Variants in MYH3 observed in about 807,000 individuals in gnomAD.
The protein encoded by MYH3 is myosin-3.
A neutral mutation model predicts 238.0 loss-of-function variants in MYH3; 130 were observed. The observed-to-expected ratio is 0.55, with a 90% CI of 0.47 to 0.63. The LOEUF (loss-of-function observed/expected upper bound fraction) is 0.63. MYH3 is among the 30% of genes least tolerant of loss of function. MYH3 has a pLI of 0.00. For synonymous variants in MYH3, 880 were observed against 924.1 expected (o/e 0.95, Z 0.86); for missense variants, 1,853 against 2,374.9 (o/e 0.78, Z 4.57).
Position 10,640,427 on chromosome 17 carries a change from G to A in MYH3, c.2332C>T (p.Arg778Trp), listed in dbSNP as rs775803901. The A allele has an allele frequency of 5.6e-6, 9 of 1,614,086 alleles. No homozygotes were observed. In the African/African-American group the frequency reaches 8.0e-5, roughly 14 times the overall value. ...AGLLGTLEEM[R>W]DDRLAKLITR... ...ATTAGTTTGGCCAGGCGGTCATCCC[G>A]CATCTCTTCCAGGGTTCCCAGCAAG... Residue 778 changes from arginine (R) to tryptophan (W), a missense_variant, in exon 21 of 41, where the codon CGG becomes TGG. Transcript: ENST00000583535.
In MYH3 at chr17:10,633,600, C is replaced by T; in HGVS notation, c.4638G>A (p.Glu1546=). Reference sequence around the variant, plus strand: ...GCCTCCCAGCACTCACCTCTGCTTCCTCGAGAGCCAGCTGGATATCAGCCT... The same window carrying T: ...GCCTCCCAGCACTCACCTCTGCTTCTTCGAGAGCCAGCTGGATATCAGCCT... ...LEKADIQLAL[E]EAEAALEHEE... is the part of the protein sequence containing the mutation. The change falls in exon 33 of 41, where the codon GAG becomes GAA. Residue 1546 remains glutamate, a synonymous_variant. Coordinates refer to ENST00000583535, the MANE Select transcript of MYH3 (RefSeq NM_002470.4). The T allele has an allele frequency of 6.2e-7, 1 of 1,613,310 alleles. No individual in the cohort carries two copies. Among genetic ancestry groups the T allele is most frequent in the Non-Finnish European group, 8.5e-7 (1 of 1,179,900 alleles).
chr17:10,663,795 G>T, the MYH3 span, among the ~76,000 whole-genome samples: 3 of 152,056 alleles, frequency 2.0e-5, no homozygotes, highest in African/African-American at 7.2e-5. Context: ...AGATGCGGTG[G>T]CTCACACCTG....
chr17:10,655,473 G>GA (rs1423973798), intron 2 of MYH3, among the ~76,000 whole-genome samples: 1 of 152,230 alleles, frequency 6.6e-6, no homozygotes, highest in Non-Finnish European at 1.5e-5. Context: ...CATCTTCAAA[G>GA]AGAGTGTGCT....
upstream of MYH3, among the ~76,000 whole-genome samples, chr17:10,658,018 A>T (rs2142438051): frequency 6.6e-6 from 1 of 152,276 alleles, no homozygotes; most frequent in South Asian, 2.1e-4. Context: ...CTATGCTGCC[A>T]GCTCGTATTC....
intron 4 of MYH3, chr17:10,652,115 G>T: frequency 2.2e-6 from 1 of 452,634 alleles, no homozygotes; most frequent in Non-Finnish European, 4.1e-6. Flanking sequence ...TTTATAGTGA[G>T]GCACTGAGAC....
the MYH3 span, among the ~76,000 whole-genome samples, chr17:10,671,770 A>G: frequency 1.3e-5 from 2 of 151,636 alleles, no homozygotes; most frequent in Admixed American, 1.3e-4. Context: ...TAGTAGAGAC[A>G]GGGTTTCACT....
chr17:10,629,637 T>C lies in MYH3; in HGVS notation c.5756A>G (p.Asn1919Ser). 1.2e-6 allele frequency: 2 copies of C among 1,614,106 alleles called. No homozygotes were observed. The highest frequency in any genetic ancestry group is 1.7e-6 in the Non-Finnish European group (2 of 1,180,050). The part of the protein sequence containing the change: ...ERADIAESQV[N>S]KLRAKTRDFT... Reference sequence around the variant, plus strand: ...GTCTCGAGTCTTAGCGCGGAGCTTGTTGACTTGAGATTCTGCGATATCCGC... The same window carrying C: ...GTCTCGAGTCTTAGCGCGGAGCTTGCTGACTTGAGATTCTGCGATATCCGC... The change falls in exon 40 of 41, where the codon AAC becomes AGC. Residue 1919 changes from asparagine to serine, a missense_variant. Around this residue, in one of 3 missense-constraint regions of MYH3, gnomAD observed 1,044 missense variants for 1,192.6 expected, o/e 0.88. Coordinates refer to ENST00000583535, the MANE Select transcript of MYH3 (RefSeq NM_002470.4).
chr17:10,633,978 A>G (rs761781341), intron 32 of MYH3, 39 bp downstream of exon 32: 3 of 1,609,540 alleles, frequency 1.9e-6, no homozygotes, highest in Admixed American at 1.7e-5. Flanking sequence ...GCAATAGAGC[A>G]TGAAAGGAGG....
intron 31 of MYH3, 58 bp from the exon 32 acceptor site, chr17:10,634,240 A>C (rs1283111705): frequency 2.5e-6 from 4 of 1,590,084 alleles, no homozygotes; most frequent in Non-Finnish European, 3.5e-6. Flanking sequence ...GTTTCTAACA[A>C]AATACTAAAT....
the MYH3 span, among the ~76,000 whole-genome samples, chr17:10,664,250 T>C: frequency 4.1e-4 from 62 of 152,200 alleles, no homozygotes; most frequent in African/African-American, 1.3e-3. Flanking sequence ...ATTGTGAGCA[T>C]TGGTTCATCT....
At chr17:10,675,997 A>G in the MYH3 span, 1 of 152,222 alleles carries the variant, frequency 6.6e-6, no homozygotes, top group African/African-American at 2.4e-5. Flanking sequence ...GTTTACACTG[A>G]CTGGATATTT....
Position 10,647,264 on chromosome 17 carries a change from T to C in MYH3, c.816A>G (p.Ser272=), listed in dbSNP as rs1463332046. 6.2e-7 allele frequency: 1 copy of C among 1,614,168 alleles called. No individual in the cohort carries two copies. Residue 272 remains serine (S), a synonymous_variant, in exon 10 of 41, where the codon TCA becomes TCG. Coordinates refer to ENST00000583535, the MANE Select transcript of MYH3 (RefSeq NM_002470.4). ...ADIETYLLEK[S]RVTFQLKAER... ...CAGCCTTCAGCTGGAAAGTGACTCTTGATTTTTCCAGAAGATCTGGAACAC... is the reference window on the plus strand; with the variant it reads ...CAGCCTTCAGCTGGAAAGTGACTCTCGATTTTTCCAGAAGATCTGGAACAC...
rs149260479 is a variant in MYH3 at position 10,631,921 on chromosome 17, G to A, written c.5052C>T (p.Ala1684=). The A allele has an allele frequency of 4.6e-5, 74 of 1,613,930 alleles. No individual in the cohort carries two copies. The African/African-American group carries it at 6.3e-4, about 14-fold the overall frequency. ...IVERRANLLQ[A]EVEELRATLE... is the part of the protein sequence containing the mutation. ...GAGTAGCCCGCAGCTCCTCCACCTCGGCCTGCAGCAGGTTGGCTCTGCGCT... is the reference window on the plus strand; with the variant it reads ...GAGTAGCCCGCAGCTCCTCCACCTCAGCCTGCAGCAGGTTGGCTCTGCGCT... Residue 1684 remains alanine (A), a synonymous_variant, in exon 35 of 41, where the codon GCC becomes GCT. Coordinates refer to ENST00000583535, the MANE Select transcript of MYH3 (RefSeq NM_002470.4).
Position 10,654,175 on chromosome 17 carries a change from TTGC to T in MYH3, c.204+683_204+685del, listed in dbSNP as rs1209918395. On this transcript the variant is annotated intron_variant, in intron 3 of 40. Transcript: ENST00000583535. The surrounding 1 kb of genome is among the most constrained non-coding windows in gnomAD (Gnocchi z 4.5). The stretch of plus-strand genomic sequence containing the variant: ...TCTCTTTCTTTCTTTCCTTCCTTCC[TTGC>T]TTTCTTTCTTCCTTCTTTCTTTCCT... 1.4e-4 allele frequency among the ~76,000 whole-genome samples: 22 copies of T among 151,990 alleles called. No homozygotes were observed. The highest frequency in any genetic ancestry group is 3.4e-3 in the Middle Eastern group (1 of 294).
chr17:10,665,223 A>T, the MYH3 span, among the ~76,000 whole-genome samples: 1 of 152,028 alleles, frequency 6.6e-6, no homozygotes, highest in Non-Finnish European at 1.5e-5. Flanking sequence ...GCTCACTGGA[A>T]CCTCCGCCTC....
At chr17:10,651,434 C>A in intron 5 of MYH3, 78 bp downstream of exon 5, 1 of 1,609,108 alleles carries the variant, frequency 6.2e-7, no homozygotes, top group Non-Finnish European at 8.5e-7. Flanking sequence ...GGGGTCCAGC[C>A]TGGGAGTAAG....
Position 10,639,540 on chromosome 17 carries a change from C to G in MYH3, c.2925+20G>C. Reference sequence around the variant, plus strand: ...TTTGCAATGACTATATCAAGCTAGACACACCTACAATAAGAATACCTTGTT... The same window carrying G: ...TTTGCAATGACTATATCAAGCTAGAGACACCTACAATAAGAATACCTTGTT... On this transcript the variant is annotated intron_variant, in intron 23 of 40. Coordinates refer to ENST00000583535, the MANE Select transcript of MYH3 (RefSeq NM_002470.4). 1 of 1,614,130 alleles carries G rather than the reference C, an allele frequency of 6.2e-7. No homozygotes were observed. The highest frequency in any genetic ancestry group is 8.5e-7 in the Non-Finnish European group (1 of 1,180,012).
In MYH3 at chr17:10,641,718, G is replaced by A. The variant is rs906990656; in HGVS notation, c.1960-346C>T. Among the ~76,000 whole-genome samples, 4 of 151,992 alleles carry A rather than the reference G, an allele frequency of 2.6e-5. No homozygotes were observed. The East Asian group carries it at 5.8e-4, about 22-fold the overall frequency. The stretch of plus-strand genomic sequence containing the variant: ...TTTAATGGAGACGGGGTTTTACTGT[G>A]TTAGCCAGGATGGTCTCGATCTTCT... On this transcript the variant is annotated intron_variant, in intron 17 of 40. Transcript: ENST00000583535.
At chr17:10,629,514 A>T (rs556678852) in intron 40 of MYH3, 83 bp downstream of exon 40, 1 of 1,575,032 alleles carries the variant, frequency 6.3e-7, no homozygotes, top group African/African-American at 1.4e-5. Context: ...CCAGCTCTAA[A>T]GTAAAGGGTT....
Sources: gnomAD v4.1 joint callset for allele counts (sites outside exome capture counted in the v4.1 genomes callset) on GRCh38, gnomAD v4.1.1 for gene constraint, gnomAD v4.1.1 regional missense constraint, Gnocchi (gnomAD v3.1) non-coding constraint, MANE v1.5 for transcripts, NCBI Gene and HGNC (gene_info 2026-07-23, HGNC 2026-07-21) for gene names.